The following HR variants were observed in gnomAD, a reference collection of about 807,000 sequenced individuals.
HR encodes the protein HR lysine demethylase and nuclear receptor corepressor, also known as lysine-specific demethylase hairless.
In HR, 83 loss-of-function variants were observed where a neutral mutation model predicts 128.6. The ratio of observed to expected loss-of-function variants is 0.65; its 90% CI spans 0.54 to 0.77. The LOEUF (loss-of-function observed/expected upper bound fraction) is 0.77. HR is among the 30% of genes least tolerant of loss of function. The pLI is 0.00. For synonymous variants in HR, 681 were observed against 658.2 expected, an observed-to-expected ratio of 1.03 and a Z score of -0.53; for missense variants, 1,490 against 1,574.6, an observed-to-expected ratio of 0.95 and a Z score of 0.91.
intron 14 of HR, among the ~76,000 whole-genome samples, 175 bp from the exon 15 acceptor site, chr8:22,119,458 T>C (rs536466538): frequency 6.9e-4 from 105 of 151,748 alleles, no homozygotes; most frequent in Non-Finnish European, 1.3e-3. Context: ...ATAGAAAAAA[T>C]TAGCCGGGCG....
chr8:22,129,134 T>C lies in HR; in HGVS notation c.37A>G (p.Thr13Ala), dbSNP rs143316642. 2,358 of 1,554,666 alleles carry C rather than the reference T, an allele frequency of 1.5e-3. 27 individuals carry two copies. Among genetic ancestry groups the C allele is most frequent in the South Asian group, 9.1e-3 (723 of 79,484 alleles). The change falls in exon 2 of 19, where the codon ACC becomes GCC. Residue 13 changes from threonine to alanine, a missense_variant. Coordinates refer to ENST00000381418, the MANE Select transcript of HR (RefSeq NM_005144.5). ...STPSFLKGTP[T>A]WEKTAPENGI... is the part of the protein sequence containing the mutation. Reference sequence around the variant, plus strand: ...TTCTCTGGGGCCGTCTTCTCCCAGGTTGGGGTGCCCTTCAGGAAGCTGGGC... The same window carrying C: ...TTCTCTGGGGCCGTCTTCTCCCAGGCTGGGGTGCCCTTCAGGAAGCTGGGC...
rs1172712080 is a variant in HR at position 22,129,119 on chromosome 8, C to T, written c.52G>A (p.Ala18Thr). 6.4e-7 allele frequency: 1 copy of T among 1,563,312 alleles called. No homozygotes were observed. The highest frequency in any genetic ancestry group is 1.2e-5 in the South Asian group (1 of 81,192). Residue 18 changes from alanine to threonine, a missense_variant, in exon 2 of 19, where the codon GCC becomes ACC. Ala to Thr is a moderately conservative substitution (Grantham distance 58). Coordinates refer to ENST00000381418, the MANE Select transcript of HR (RefSeq NM_005144.5). The stretch of plus-strand genomic sequence containing the variant: ...TGTCTCACGATGCCGTTCTCTGGGG[C>T]CGTCTTCTCCCAGGTTGGGGTGCCC... Reference protein sequence around the residue: ...LKGTPTWEKTAPENGIVRQEP... With the variant: ...LKGTPTWEKTTPENGIVRQEP...
rs1476956887 is a variant in HR, at chr8:22,116,975, C to T, written c.3278G>A (p.Gly1093Glu). 6.5e-7 allele frequency: 1 copy of T among 1,535,102 alleles called. No homozygotes were observed. Residue 1093 changes from glycine to glutamate, a missense_variant, in exon 17 of 19, where the codon GGG (glycine) becomes GAG (glutamate). Coordinates refer to ENST00000381418, the MANE Select transcript of HR (RefSeq NM_005144.5). This position sits in a 1 kb window ranked among gnomAD's most constrained non-coding sequence, Gnocchi z 4.2. ...CTCCTCCCGCAGGCGCCGCCGCAGC[C>T]CTGCATCCAGGTAGCAGCTGCCTGG... ...GAPGSCYLDA[G>E]LRRRLREEWG... is the part of the protein sequence containing the mutation.
chr8:22,115,559 C>T lies in HR; in HGVS notation c.*141G>A, dbSNP rs1826564196. The T allele has an allele frequency of 9.4e-6, 7 of 743,934 alleles. No individual in the cohort carries two copies. In the East Asian group the frequency reaches 1.9e-4, roughly 20 times the overall value. 46.1% of individuals were successfully genotyped at this position (743,934 alleles called of 1,614,324 possible). ...GCTTAAGGGGGAGGGGAACAGAGTG[C>T]CCTGCTTGTGCCCAGAGTGGTGCTT... On this transcript the variant is annotated 3_prime_UTR_variant, in exon 19 of 19. Transcript: ENST00000381418.
chr8:22,115,289 A>C lies in HR; in HGVS notation c.*411T>G. The C allele has an allele frequency of 3.3e-6, 1 of 301,544 alleles. No homozygotes were observed. The highest frequency in any genetic ancestry group is 8.0e-5 in the East Asian group (1 of 12,504). 18.7% of individuals were successfully genotyped at this position (301,544 alleles called of 1,614,324 possible). A position where few individuals can be genotyped will look rare whatever the true frequency, so the allele number is the denominator to read the frequency against. On this transcript the variant is annotated 3_prime_UTR_variant, in exon 19 of 19. Transcript: ENST00000381418. ...AGCCCAGTGAGGATGCGGTGGTAGA[A>C]ACGGAGCTGGGGCAGTAGAGTGGGC...
At position 22,121,116 on chromosome 8, in the gene HR, G is replaced by A; in HGVS notation, c.2316C>T (p.Gly772=). Residue 772 remains glycine (G), a synonymous_variant, in exon 10 of 19, where the codon GGC becomes GGT. Coordinates refer to ENST00000381418, the MANE Select transcript of HR (RefSeq NM_005144.5). ...LASTAVKLCL[G]HERIHMAFAP... ...CGAAGGCCATGTGTATTCGCTCATG[G>A]CCCAAGCAGAGTTTGACCGCGGTAG... is the stretch of plus-strand genomic sequence containing the variant. 2 of 1,613,900 alleles carry A rather than the reference G, an allele frequency of 1.2e-6. No individual in the cohort carries two copies. Among genetic ancestry groups the A allele is most frequent in the Non-Finnish European group, 1.7e-6 (2 of 1,180,044 alleles).
At chr8:22,117,184 G>T in intron 16 of HR, 145 bp from the exon 17 acceptor site, 1 of 829,534 alleles carries the variant, frequency 1.2e-6, no homozygotes, top group Non-Finnish European at 1.8e-6. Flanking sequence ...GGGCATGGCT[G>T]AGTTTGTTTG....
chr8:22,120,946 T>A lies in HR; in HGVS notation c.2380A>T (p.Thr794Ser). Reference sequence around the variant, plus strand: ...GCGATAATGCTGTCCAGGATGTTGGTGATGCGGTCATCCTGCAGAGAGGGG... The same window carrying A: ...GCGATAATGCTGTCCAGGATGTTGGAGATGCGGTCATCCTGCAGAGAGGGG... ...TPALPSDDRI[T>S]NILDSIIAQV... Residue 794 changes from threonine (T) to serine (S), a missense_variant, in exon 11 of 19, where the codon ACC becomes TCC. By Grantham distance (58) the Thr-to-Ser change is moderately conservative. Transcript: ENST00000381418. 1 of 1,589,294 alleles carries A rather than the reference T, an allele frequency of 6.3e-7. No homozygotes were observed. Among genetic ancestry groups the A allele is most frequent in the South Asian group, 1.1e-5 (1 of 88,786 alleles).
chr8:22,121,766 C>T (rs1375116180), intron 8 of HR, 72 bp from the exon 9 acceptor site: 36 of 1,441,158 alleles, frequency 2.5e-5, no homozygotes, highest in Non-Finnish European at 2.9e-5. Flanking sequence ...TCAACAGAAC[C>T]CACAAGAATG....
chr8:22,118,995 C>G lies in HR; in HGVS notation c.3168G>C (p.Val1056=). 1 of 1,612,924 alleles carries G rather than the reference C, an allele frequency of 6.2e-7. No individual in the cohort carries two copies. Residue 1056 remains valine, a synonymous_variant, in exon 16 of 19, where the codon GTG becomes GTC. Transcript: ENST00000381418. ...TGCGCTGGGCGTCCTGTGCCCGGAA[C>G]ACGTGCCACACAGTGCTGACCTGGC... ...PGSQVSTVWH[V]FRAQDAQRIR...
At chr8:22,120,224 G>GC (rs1826703100) in intron 12 of HR, 51 bp from the exon 13 acceptor site, 1 of 1,597,040 alleles carries the variant, frequency 6.3e-7, no homozygotes, top group African/African-American at 1.3e-5. Context: ...TGAAGCCCCT[G>GC]CCCCGGCGGC....
rs1826545118 is a variant in HR at position 22,114,822 on chromosome 8, G to C, written c.*878C>G. On this transcript the variant is annotated 3_prime_UTR_variant, in exon 19 of 19. Transcript: ENST00000381418. ...AGGTCACCTCGTGGCTGTGCCCCAG[G>C]ACTCTGCCTTGCCTGCTCTTGCACT... 1 of 152,392 alleles carries C rather than the reference G, an allele frequency of 6.6e-6. No individual in the cohort carries two copies. Among genetic ancestry groups the C allele is most frequent in the African/African-American group, 2.4e-5 (1 of 41,456 alleles). 9.4% of individuals were successfully genotyped at this position (152,392 alleles called of 1,614,324 possible).
intron 6 of HR, 33 bp downstream of exon 6, chr8:22,123,616 A>ACACCCCC: frequency 1.8e-6 from 1 of 562,348 alleles, no homozygotes; most frequent in Non-Finnish European, 3.0e-6. Flanking sequence ...TGAGGGCTCC[A>ACACCCCC]TCCCGCCCTC....
rs755120567 is a variant in HR, at chr8:22,116,684, C to T, written c.3378+191G>A. Among the ~76,000 whole-genome samples the T allele has an allele frequency of 2.6e-5, 4 of 152,214 alleles. No individual in the cohort carries two copies. The highest frequency in any genetic ancestry group is 5.9e-5 in the Non-Finnish European group (4 of 68,028). The stretch of plus-strand genomic sequence containing the variant: ...CCAGGAGACCAGGAGTGGACTCTGG[C>T]GCCAGTCCCAGTTGGGCTCAGTGAC... On this transcript the variant is annotated intron_variant, in intron 17 of 18. Coordinates refer to ENST00000381418, the MANE Select transcript of HR (RefSeq NM_005144.5). This position sits in a 1 kb window ranked among gnomAD's most constrained non-coding sequence, Gnocchi z 4.2.
Position 22,127,290 on chromosome 8 carries a change from G to T in HR, c.1152C>A (p.Leu384=). The change falls in exon 3 of 19, where the codon CTC becomes CTA. Residue 384 remains leucine, a synonymous_variant. Coordinates refer to ENST00000381418, the MANE Select transcript of HR (RefSeq NM_005144.5). The part of the protein sequence containing the change: ...SHHTKLKKTW[L]TRHSEQFECP... The stretch of plus-strand genomic sequence containing the variant: ...ATTCAAACTGCTCCGAGTGCCGTGT[G>T]AGCCATGTCTTCTTCAGCTTGGTGT... 1 of 1,613,350 alleles carries T rather than the reference G, an allele frequency of 6.2e-7. No homozygotes were observed.
intron 9 of HR, 39 bp downstream of exon 9, chr8:22,121,574 C>T: frequency 6.2e-7 from 1 of 1,605,908 alleles, no homozygotes; most frequent in Non-Finnish European, 8.5e-7. Flanking sequence ...GGCCCAGCCT[C>T]CCTCTTGCAC....
At position 22,116,969 on chromosome 8, in the gene HR, C is replaced by T. The variant is rs1425295433; in HGVS notation, c.3284G>A (p.Arg1095Gln). 5 of 1,536,580 alleles carry T rather than the reference C, an allele frequency of 3.3e-6. No individual in the cohort carries two copies. The highest frequency in any genetic ancestry group is 2.0e-5 in the Admixed American group (1 of 51,038). The change falls in exon 17 of 19, where the codon CGG (arginine) becomes CAG (glutamine). Residue 1095 changes from arginine (R) to glutamine (Q), a missense_variant. By Grantham distance (43) the Arg-to-Gln change is conservative (BLOSUM62 1). Around this residue, in one of 3 missense-constraint regions of HR, gnomAD observed 423 missense variants for 495.9 expected, o/e 0.85. Transcript: ENST00000381418. This position sits in a 1 kb window ranked among gnomAD's most constrained non-coding sequence, Gnocchi z 4.2. ...PGSCYLDAGL[R>Q]RRLREEWGVS... ...GCCCCACTCCTCCCGCAGGCGCCGC[C>T]GCAGCCCTGCATCCAGGTAGCAGCT...
chr8:22,116,369 A>C lies in HR; in HGVS notation c.3438T>G (p.Ser1146=). The part of the protein sequence containing the change: ...VTQHFLSPET[S]ALSAQLCHQG... Reference sequence around the variant, plus strand: ...GGTGGCAGAGCTGAGCAGAGAGGGCAGAGGTCTCAGGGGAGAGGAAGTGCT... The same window carrying C: ...GGTGGCAGAGCTGAGCAGAGAGGGCCGAGGTCTCAGGGGAGAGGAAGTGCT... Residue 1146 remains serine, a synonymous_variant, in exon 18 of 19, where the codon TCT becomes TCG. Coordinates refer to ENST00000381418, the MANE Select transcript of HR (RefSeq NM_005144.5). This position sits in a 1 kb window ranked among gnomAD's most constrained non-coding sequence, Gnocchi z 4.2. The C allele has an allele frequency of 6.2e-7, 1 of 1,613,486 alleles. No individual in the cohort carries two copies. Among genetic ancestry groups the C allele is most frequent in the Non-Finnish European group, 8.5e-7 (1 of 1,179,898 alleles).
At chr8:22,123,617 T>TGGCCCCCC in intron 6 of HR, 32 bp downstream of exon 6, 2 of 292,092 alleles carry the variant, frequency 6.8e-6, no homozygotes, top group Non-Finnish European at 1.2e-5. Context: ...GAGGGCTCCA[T>TGGCCCCCC]CCCGCCCTCC....
Sources: allele counts gnomAD v4.1 joint callset (sites outside exome capture counted in the v4.1 genomes callset), GRCh38; gene constraint gnomAD v4.1.1; regional missense constraint gnomAD v4.1.1; non-coding constraint Gnocchi (gnomAD v3.1); transcripts MANE v1.5; gene names NCBI Gene and HGNC (gene_info 2026-07-23, HGNC 2026-07-21).